The following PDE4B variants were observed in gnomAD, a reference collection of about 807,000 sequenced individuals.
PDE4B encodes the protein 3',5'-cyclic-AMP phosphodiesterase 4B.
PDE4B carries 20 observed loss-of-function variants against 82.2 expected under a neutral mutation model. The observed-to-expected ratio is 0.24, with a 90% CI of 0.17 to 0.35. The LOEUF (loss-of-function observed/expected upper bound fraction) is 0.35, where lower values mean the gene tolerates loss of function less well. PDE4B is among the 10% of genes least tolerant of loss of function. PDE4B has a pLI of 1.00. For missense variants in PDE4B, 655 were observed against 907.2 expected (o/e 0.72, Z 3.57); for synonymous variants, 320 against 318.9 (o/e 1.00, Z -0.04).
chr1:65,823,548 G>A (rs1037995112), intron 1 of PDE4B, among the ~76,000 whole-genome samples: 3 of 151,672 alleles, frequency 2.0e-5, no homozygotes, highest in East Asian at 3.9e-4. Context: ...ATGTTATAAC[G>A]TCTCATCTGT....
chr1:66,060,226 A>C (rs1655513264), intron 3 of PDE4B, among the ~76,000 whole-genome samples: 1 of 152,192 alleles, frequency 6.6e-6, no homozygotes, highest in African/African-American at 2.4e-5. Context: ...AGGGCTAGTG[A>C]ACACAGACTC....
At chr1:65,944,995 G>T (rs1023101822) in intron 3 of PDE4B, among the ~76,000 whole-genome samples, 20 of 151,964 alleles carry the variant, frequency 1.3e-4, no homozygotes, top group Non-Finnish European at 2.8e-4. Flanking sequence ...ATCAAGGAAA[G>T]TTAAGGCTGC....
intron 16 of PDE4B, among the ~76,000 whole-genome samples, 180 bp downstream of exon 16, chr1:66,369,149 A>C (rs1663480538): frequency 6.6e-6 from 1 of 152,352 alleles, no homozygotes; most frequent in Non-Finnish European, 1.5e-5. Context: ...TCAGTTTCAC[A>C]GGGTGGGGAA....
At chr1:66,120,265 C>A (rs944248522) in intron 3 of PDE4B, among the ~76,000 whole-genome samples, 1 of 152,190 alleles carries the variant, frequency 6.6e-6, no homozygotes, top group East Asian at 1.9e-4. Flanking sequence ...GCAGCTGTGC[C>A]TCTCTTCCCA....
chr1:66,124,441 A>T (rs1645777086), intron 3 of PDE4B, among the ~76,000 whole-genome samples: 1 of 152,224 alleles, frequency 6.6e-6, no homozygotes, highest in African/African-American at 2.4e-5. Context: ...CAGTGCTCCT[A>T]TTTCGGCAAC....
intron 1 of PDE4B, among the ~76,000 whole-genome samples, chr1:65,864,444 G>T (rs1265172299): frequency 2.0e-5 from 3 of 152,070 alleles, no homozygotes; most frequent in South Asian, 2.1e-4. Flanking sequence ...AGGCATTCTG[G>T]TTTTTGGAAT....
intron 3 of PDE4B, among the ~76,000 whole-genome samples, chr1:65,936,971 T>C (rs940973543): frequency 2.6e-5 from 4 of 152,206 alleles, no homozygotes; most frequent in African/African-American, 7.2e-5. Flanking sequence ...ATAGAATTAT[T>C]ATCAGCCTCA....
At position 65,871,569 on chromosome 1, in the gene PDE4B, G is replaced by C. The variant is rs946809200; in HGVS notation, c.-70-41676G>C. Among the ~76,000 whole-genome samples the C allele has an allele frequency of 9.9e-4, 150 of 152,268 alleles. 1 individual carries two copies. The highest frequency in any genetic ancestry group is 3.6e-3 in the African/African-American group (148 of 41,550). On this transcript the variant is annotated intron_variant, in intron 1 of 16. Coordinates refer to ENST00000341517, the MANE Select transcript of PDE4B (RefSeq NM_002600.4). ...TGTAAAACACTTGGCATAATGCCTG[G>C]CACATAGCTAATTAGAATTTGTACT...
intron 7 of PDE4B, among the ~76,000 whole-genome samples, chr1:66,303,909 A>C (rs1658081690): frequency 1.3e-5 from 2 of 152,156 alleles, no homozygotes; most frequent in South Asian, 4.1e-4. Context: ...GAACTTGCTT[A>C]TGTGGTTATT....
intron 3 of PDE4B, among the ~76,000 whole-genome samples, chr1:66,051,392 A>G (rs1655019494): frequency 6.6e-6 from 1 of 152,128 alleles, no homozygotes; most frequent in African/African-American, 2.4e-5. Context: ...GAGAGAACCA[A>G]ATTCAAACCC....
intron 3 of PDE4B, among the ~76,000 whole-genome samples, chr1:66,158,203 A>T (rs1646538709): frequency 6.6e-6 from 1 of 152,190 alleles, no homozygotes; most frequent in Non-Finnish European, 1.5e-5. Flanking sequence ...AGCAGAGAAA[A>T]CACAATGGTA....
At chr1:66,145,771 C>T (rs1053227488) in intron 3 of PDE4B, among the ~76,000 whole-genome samples, 1 of 152,142 alleles carries the variant, frequency 6.6e-6, no homozygotes, top group African/African-American at 2.4e-5. Context: ...AAGAAGGTGC[C>T]TTTCCAGCCA....
chr1:65,955,614 C>A (rs1649218885), intron 3 of PDE4B, among the ~76,000 whole-genome samples: 1 of 152,122 alleles, frequency 6.6e-6, no homozygotes, highest in Non-Finnish European at 1.5e-5. Flanking sequence ...TGAGTTCATT[C>A]TGGTACGTCA....
chr1:65,847,071 T>C (rs914638081), intron 1 of PDE4B, among the ~76,000 whole-genome samples: 1 of 152,226 alleles, frequency 6.6e-6, no homozygotes, highest in Admixed American at 6.5e-5. Flanking sequence ...GTCATAACAT[T>C]TTCTAATATT....
intron 3 of PDE4B, among the ~76,000 whole-genome samples, chr1:66,064,940 G>A (rs1368479365): frequency 1.3e-5 from 2 of 151,706 alleles, no homozygotes; most frequent in Non-Finnish European, 2.9e-5. Flanking sequence ...TTATAACTCT[G>A]CAACATGAAT....
chr1:65,909,692 G>A (rs1388737676), intron 1 of PDE4B, among the ~76,000 whole-genome samples: 2 of 152,156 alleles, frequency 1.3e-5, no homozygotes, highest in Admixed American at 1.3e-4. Flanking sequence ...GAAAGACTTT[G>A]TTTTAATGAA....
intron 1 of PDE4B, among the ~76,000 whole-genome samples, chr1:65,797,629 C>T (rs959982982): frequency 4.6e-5 from 7 of 152,162 alleles, no homozygotes; most frequent in African/African-American, 1.4e-4. Flanking sequence ...CCTGTTGTGC[C>T]TCTAGGTTAG....
chr1:66,042,489 T>C (rs536267148), intron 3 of PDE4B: 5 of 151,958 alleles, frequency 3.3e-5, no homozygotes, highest in African/African-American at 1.2e-4. Flanking sequence ...ATTATGTTCG[T>C]GTGTCTGAAA....
intron 7 of PDE4B, among the ~76,000 whole-genome samples, chr1:66,298,735 C>T (rs533390369): frequency 6.6e-6 from 1 of 152,116 alleles, no homozygotes; most frequent in South Asian, 2.1e-4. Flanking sequence ...ACAAACATTC[C>T]CTGAAAAATT....
Sources: allele counts gnomAD v4.1 joint callset (sites outside exome capture counted in the v4.1 genomes callset), GRCh38; gene constraint gnomAD v4.1.1; transcripts MANE v1.5; gene names NCBI Gene and HGNC (gene_info 2026-07-23, HGNC 2026-07-21).